Variants in PPIG observed in about 807,000 individuals in gnomAD.
PPIG encodes peptidylprolyl isomerase G.
Under a neutral mutation model 87.9 loss-of-function variants are expected in PPIG, and 26 were observed. The ratio of observed to expected loss-of-function variants is 0.30; its 90% CI spans 0.22 to 0.41. The LOEUF is 0.41. Among genes scored for constraint, PPIG ranks in the 10% least tolerant of loss-of-function variants. PPIG has a pLI of 1.00. For synonymous variants in PPIG, 308 were observed against 276.5 expected (o/e 1.11, Z -1.13); for missense variants, 722 against 879.4 (o/e 0.82, Z 2.26).
chr2:169,584,790 G>C (rs1684652721), intron 1 of PPIG: 2 of 297,818 alleles, frequency 6.7e-6, no homozygotes, highest in Non-Finnish European at 1.3e-5. Flanking sequence ...CCTCACTGAC[G>C]CATTTTGCCG....
chr2:169,619,687 C>T (rs1043022061), intron 9 of PPIG, among the ~76,000 whole-genome samples: 1 of 151,720 alleles, frequency 6.6e-6, no homozygotes, highest in Non-Finnish European at 1.5e-5. Context: ...ATGGCTGTAC[C>T]GATTTACATT....
At chr2:169,598,102 A>G (rs1303473143) in intron 1 of PPIG, among the ~76,000 whole-genome samples, 1 of 151,384 alleles carries the variant, frequency 6.6e-6, no homozygotes, top group East Asian at 2.0e-4. Flanking sequence ...CTGGGCCCAA[A>G]TGATCCTCCT....
intron 1 of PPIG, among the ~76,000 whole-genome samples, chr2:169,602,947 C>T (rs987744041): frequency 1.3e-5 from 2 of 151,930 alleles, no homozygotes; most frequent in Non-Finnish European, 2.9e-5. Context: ...GAAGCTAGAG[C>T]CAAATTACCT....
chr2:169,607,371 G>T (rs1224652619), intron 6 of PPIG, among the ~76,000 whole-genome samples: 1 of 152,056 alleles, frequency 6.6e-6, no homozygotes, highest in Non-Finnish European at 1.5e-5. Context: ...GGGTTTCAAT[G>T]ATCTGTACTT....
In PPIG at chr2:169,604,327, GTTTTTTTTTTT is replaced by G. The variant is rs71006008; in HGVS notation, c.136+84_136+94del. ...TGACTATGGCTTGCTTGCTTGCTTGGTTTTTTTTTTTTTTTTTTTTTTTTTTTTGAGACAGG... is the reference window on the plus strand; with the variant it reads ...TGACTATGGCTTGCTTGCTTGCTTGGTTTTTTTTTTTTTTTTTGAGACAGG... On this transcript the variant is annotated intron_variant, in intron 4 of 13. Coordinates refer to ENST00000260970, the MANE Select transcript of PPIG (RefSeq NM_004792.3). 8.1e-4 allele frequency: 281 copies of G among 347,446 alleles called. 1 individual carries two copies. The African/African-American group carries it at 0.013, about 16-fold the overall frequency. 21.5% of individuals were successfully genotyped at this position (347,446 alleles called of 1,614,324 possible). A position where few individuals can be genotyped will look rare whatever the true frequency, so the allele number is the denominator to read the frequency against.
chr2:169,631,737 A>T, intron 10 of PPIG, 29 bp from the exon 11 acceptor site: 2 of 1,613,164 alleles, frequency 1.2e-6, no homozygotes, highest in South Asian at 2.2e-5. Flanking sequence ...ACCAACTGTA[A>T]CTTGTTTTGT....
Position 169,639,175 on chromosome 2 carries a change from T to C in PPIG, c.*1652T>C, listed in dbSNP as rs1367517279. 6.6e-6 allele frequency: 1 copy of C among 152,004 alleles called. No homozygotes were observed. The highest frequency in any genetic ancestry group is 2.4e-5 in the African/African-American group (1 of 41,430). The allele number at this position is 152,004 out of a possible 1,614,324, so 9.4% of individuals were successfully genotyped here. Reference sequence around the variant, plus strand: ...ATGAATTCTTTCCAAAATTTTTTTTTCCGATGATAAAAGTAGTAGATGTTT... The same window carrying C: ...ATGAATTCTTTCCAAAATTTTTTTTCCCGATGATAAAAGTAGTAGATGTTT... On this transcript the variant is annotated 3_prime_UTR_variant, in exon 14 of 14. Transcript: ENST00000260970.
intron 12 of PPIG, among the ~76,000 whole-genome samples, chr2:169,634,159 C>T (rs117945165): frequency 0.027 from 4,152 of 152,178 alleles, 79 homozygotes; most frequent in East Asian, 0.1. Context: ...CTTCCAGTCT[C>T]AAGCAATCCT....
At chr2:169,624,450 T>C (rs1045446165) in intron 9 of PPIG, among the ~76,000 whole-genome samples, 1 of 152,220 alleles carries the variant, frequency 6.6e-6, no homozygotes, top group African/African-American at 2.4e-5. Context: ...CTCTTTGTAA[T>C]TCTTTTTCAT....
chr2:169,601,916 A>C (rs1030398822), intron 1 of PPIG, among the ~76,000 whole-genome samples: 6 of 152,024 alleles, frequency 3.9e-5, no homozygotes, highest in Non-Finnish European at 7.4e-5. Context: ...CAAAAAAAAA[A>C]AACTCAGTAA....
At chr2:169,596,238 G>A (rs916082646) in intron 1 of PPIG, among the ~76,000 whole-genome samples, 22 of 151,730 alleles carry the variant, frequency 1.4e-4, no homozygotes, top group Admixed American at 4.6e-4. Context: ...CCAGGTAGCT[G>A]GGATTACAGG....
intron 7 of PPIG, among the ~76,000 whole-genome samples, chr2:169,614,128 T>C (rs1298813390): frequency 4.6e-5 from 7 of 152,200 alleles, no homozygotes; most frequent in Admixed American, 4.6e-4. Context: ...ATGTAGAACA[T>C]TATACAATTA....
At chr2:169,635,622 G>T (rs191621996) in intron 12 of PPIG, among the ~76,000 whole-genome samples, 1 of 151,896 alleles carries the variant, frequency 6.6e-6, no homozygotes, top group Non-Finnish European at 1.5e-5. Context: ...GGTTGAATAA[G>T]TGAACATCTA....
chr2:169,591,225 A>G (rs1156567931), intron 1 of PPIG, among the ~76,000 whole-genome samples: 1 of 152,228 alleles, frequency 6.6e-6, no homozygotes, highest in Non-Finnish European at 1.5e-5. Flanking sequence ...TAGGATTAAT[A>G]TGGAAAATAG....
intron 9 of PPIG, 71 bp downstream of exon 9, chr2:169,614,795 A>C: frequency 7.0e-7 from 1 of 1,428,512 alleles, no homozygotes; most frequent in Non-Finnish European, 9.3e-7. Flanking sequence ...TAAATAGTTG[A>C]CATGAAATTC....
At position 169,598,299 on chromosome 2, in the gene PPIG, C is replaced by CT. The variant is rs1467731072; in HGVS notation, c.-69-5335dup. Among the ~76,000 whole-genome samples the CT allele has an allele frequency of 9.9e-5, 15 of 151,640 alleles. No individual in the cohort carries two copies. The South Asian group carries it at 1.3e-3, about 13-fold the overall frequency. On this transcript the variant is annotated intron_variant, in intron 1 of 13. Coordinates refer to ENST00000260970, the MANE Select transcript of PPIG (RefSeq NM_004792.3). ...GCATCTAGCCTTTTATTTTCTTTTT[C>CT]TTTTTTTTGGAGAGGTAGTCTTGCT...
rs572458182 is a variant in PPIG, at chr2:169,609,282, C to T, written c.377+524C>T. Among the ~76,000 whole-genome samples, 12 of 152,012 alleles carry T rather than the reference C, an allele frequency of 7.9e-5. No individual in the cohort carries two copies. In the South Asian group the frequency reaches 2.5e-3, roughly 32 times the overall value. ...CGAGTGCAGTGTTGCAATCATGGCT[C>T]ACCACAGCCTCGACCTCCCTGGCTC... On this transcript the variant is annotated intron_variant, in intron 7 of 13. Transcript: ENST00000260970.
At chr2:169,627,811 T>C (rs929072545) in intron 9 of PPIG, among the ~76,000 whole-genome samples, 1 of 147,486 alleles carries the variant, frequency 6.8e-6, no homozygotes, top group Non-Finnish European at 1.5e-5. Context: ...GCAAAATAAA[T>C]AGAAATCAGA....
chr2:169,619,873 T>C (rs1171366536), intron 9 of PPIG, among the ~76,000 whole-genome samples: 1 of 152,166 alleles, frequency 6.6e-6, no homozygotes, highest in African/African-American at 2.4e-5. Flanking sequence ...TGGCCATTTG[T>C]ATGTCTTCGT....
Sources: gnomAD v4.1 joint callset for allele counts (sites outside exome capture counted in the v4.1 genomes callset) on GRCh38, gnomAD v4.1.1 for gene constraint, MANE v1.5 for transcripts, NCBI Gene and HGNC (gene_info 2026-07-23, HGNC 2026-07-21) for gene names.